ZFHX3: variants seen among roughly 807,000 people sequenced by gnomAD.
ZFHX3 encodes zinc finger homeobox protein 3.
Under a neutral mutation model 279.1 loss-of-function variants are expected in ZFHX3, and 42 were observed. The ratio of observed to expected loss-of-function variants is 0.15; its 90% CI spans 0.12 to 0.19. The LOEUF (loss-of-function observed/expected upper bound fraction) is 0.19. Ranked by LOEUF, ZFHX3 falls within the 10% of genes least tolerant of loss-of-function variation. The probability of loss-of-function intolerance (pLI) is 1.00; values close to 1 mark genes in which losing one functional copy is unlikely to be tolerated. For synonymous variants in ZFHX3, 2,293 were observed against 1,957.8 expected (o/e 1.17, Z -4.52); for missense variants, 4,981 against 4,754.0 (o/e 1.05, Z -1.40).
At chr16:73,830,972 C>CT (rs1217771627) in intron 1 of ZFHX3, among the ~76,000 whole-genome samples, 1 of 152,210 alleles carries the variant, frequency 6.6e-6, no homozygotes, top group Non-Finnish European at 1.5e-5. Flanking sequence ...ATTTAGGTAC[C>CT]TGGCAGACCA....
intron 3 of ZFHX3, among the ~76,000 whole-genome samples, chr16:73,363,528 G>T (rs904888871): frequency 1.3e-4 from 19 of 151,966 alleles, no homozygotes; most frequent in African/African-American, 3.9e-4. Flanking sequence ...GAGTGAAATA[G>T]ACTTCTCTTG....
Position 73,318,840 on chromosome 16 carries a change from A to T in ZFHX3, c.-1290-504T>A, listed in dbSNP as rs377683822. ...GAGTCAGGCCCCCTGAGCTAAACAA[A>T]AGGTAATAGAACTTTTCAGCGCCCC... is the stretch of plus-strand genomic sequence containing the variant. On this transcript the variant is annotated intron_variant, in intron 3 of 17. Transcript: ENST00000641206. 1.9e-4 allele frequency among the ~76,000 whole-genome samples: 29 copies of T among 152,292 alleles called. No individual in the cohort carries two copies. The South Asian group carries it at 6.0e-3, about 32-fold the overall frequency.
chr16:73,306,422 C>A (rs2015181464), intron 4 of ZFHX3, among the ~76,000 whole-genome samples: 1 of 152,176 alleles, frequency 6.6e-6, no homozygotes, highest in African/African-American at 2.4e-5. Context: ...CAGGTTCAAG[C>A]AATTCTCCTG....
chr16:72,894,866 C>T (rs1295716622), intron 3 of ZFHX3, among the ~76,000 whole-genome samples: 5 of 152,190 alleles, frequency 3.3e-5, no homozygotes, highest in African/African-American at 9.7e-5. Flanking sequence ...CAGAGTCACC[C>T]GCTGGGGAGG....
At chr16:73,237,229 C>T (rs995741770) in intron 5 of ZFHX3, among the ~76,000 whole-genome samples, 2 of 152,100 alleles carry the variant, frequency 1.3e-5, no homozygotes, top group Admixed American at 1.3e-4. Context: ...TCTTTAGAAC[C>T]CGTGACTTAA....
intron 3 of ZFHX3, among the ~76,000 whole-genome samples, chr16:73,336,217 T>A (rs1239910750): frequency 1.3e-5 from 2 of 152,196 alleles, no homozygotes; most frequent in Non-Finnish European, 2.9e-5. Flanking sequence ...GGGTGTTAAT[T>A]ATCTCATTGA....
At position 72,960,789 on chromosome 16, in the gene ZFHX3, C is replaced by T. The variant is rs1319918207; in HGVS notation, c.-49-595G>A. On this transcript the variant is annotated intron_variant, in intron 1 of 9. Coordinates refer to ENST00000268489, the MANE Select transcript of ZFHX3 (RefSeq NM_006885.4). ...TCTAGTTTGAGAAGTTCAAAGAAGG[C>T]GGGTGAGGACCCTGAGGTTCACAGG... Among the ~76,000 whole-genome samples, 5 of 152,084 alleles carry T rather than the reference C, an allele frequency of 3.3e-5. No individual in the cohort carries two copies. In the East Asian group the frequency reaches 5.8e-4, roughly 18 times the overall value.
At position 73,440,113 on chromosome 16, in the gene ZFHX3, G is replaced by GTATT. The variant is rs1301648638; in HGVS notation, c.-1291+15886_-1291+15889dup. On this transcript the variant is annotated intron_variant, in intron 3 of 17. Coordinates refer to the ZFHX3 transcript ENST00000641206. Reference sequence around the variant, plus strand: ...CACAATTTGGAGGAATAACCACAGAGTATTTACTGAACTGCCAAACTGCCT... The same window carrying GTATT: ...CACAATTTGGAGGAATAACCACAGAGTATTTATTTACTGAACTGCCAAACTGCCT... Among the ~76,000 whole-genome samples the GTATT allele has an allele frequency of 3.3e-5, 5 of 152,024 alleles. No homozygotes were observed. In the South Asian group the frequency reaches 1.0e-3, roughly 32 times the overall value.
intron 1 of ZFHX3, among the ~76,000 whole-genome samples, chr16:73,053,996 G>A (rs1214607725): frequency 6.7e-6 from 1 of 149,236 alleles, no homozygotes; most frequent in Non-Finnish European, 1.5e-5. Flanking sequence ...ACAAGAAAAC[G>A]CATGACAGTT....
intron 4 of ZFHX3, among the ~76,000 whole-genome samples, chr16:72,861,524 GC>G (rs1229744235): frequency 4.6e-5 from 7 of 152,104 alleles, no homozygotes; most frequent in Admixed American, 1.3e-4. Context: ...GTAATTTCAA[GC>G]TTTTACCAGA....
intron 4 of ZFHX3, among the ~76,000 whole-genome samples, chr16:72,862,473 C>T (rs1438396589): frequency 6.6e-6 from 1 of 152,152 alleles, no homozygotes; most frequent in African/African-American, 2.4e-5. Flanking sequence ...TAAGGAGTAG[C>T]CCAGCTAATA....
chr16:73,536,666 G>A (rs1053033322), intron 2 of ZFHX3, among the ~76,000 whole-genome samples: 1 of 152,054 alleles, frequency 6.6e-6, no homozygotes, highest in African/African-American at 2.4e-5. Flanking sequence ...ATGATACCCA[G>A]GACACACCCA....
chr16:72,799,364 C>T (rs955368902), intron 8 of ZFHX3, among the ~76,000 whole-genome samples: 3 of 152,026 alleles, frequency 2.0e-5, no homozygotes, highest in South Asian at 2.1e-4. Flanking sequence ...TCATAAATAC[C>T]GAGACCCTTT....
rs578234677 is a variant in ZFHX3, at chr16:72,886,220, T to C, written c.3448+3511A>G. On this transcript the variant is annotated intron_variant, in intron 4 of 9. Coordinates refer to ENST00000268489, the MANE Select transcript of ZFHX3 (RefSeq NM_006885.4). ...ACGTAATACTTTGTCCCTTTTGTCA[T>C]CAGTTATATGGACCGAACTGGAGCC... is the stretch of plus-strand genomic sequence containing the variant. 9.9e-5 allele frequency among the ~76,000 whole-genome samples: 15 copies of C among 152,282 alleles called. No homozygotes were observed. In the South Asian group the frequency reaches 3.1e-3, roughly 32 times the overall value.
At chr16:73,416,738 G>C (rs1459843872) in intron 3 of ZFHX3, among the ~76,000 whole-genome samples, 1 of 149,322 alleles carries the variant, frequency 6.7e-6, no homozygotes, top group Non-Finnish European at 1.5e-5. Context: ...GCCGGGTGCG[G>C]TGGCGGGCGC....
At chr16:73,026,022 C>A (rs1460761436) in intron 1 of ZFHX3, among the ~76,000 whole-genome samples, 2 of 151,896 alleles carry the variant, frequency 1.3e-5, no homozygotes, top group Admixed American at 1.3e-4. Context: ...AGGAACACAC[C>A]CATGTCTTGG....
At chr16:73,884,067 G>T (rs1017333410) in intron 1 of ZFHX3, among the ~76,000 whole-genome samples, 18 of 152,090 alleles carry the variant, frequency 1.2e-4, no homozygotes, top group African/African-American at 4.3e-4. Context: ...AACAGCTTTC[G>T]TTACACATTT....
intron 3 of ZFHX3, among the ~76,000 whole-genome samples, chr16:72,937,085 T>C (rs1960163154): frequency 6.6e-6 from 1 of 151,814 alleles, no homozygotes; most frequent in East Asian, 1.9e-4. Flanking sequence ...CCATAAGCAT[T>C]TGGGGGTTCT....
At chr16:73,313,844 A>T (rs569456187) in intron 4 of ZFHX3, among the ~76,000 whole-genome samples, 1 of 152,340 alleles carries the variant, frequency 6.6e-6, no homozygotes, top group Non-Finnish European at 1.5e-5. Flanking sequence ...ACGGTAGCTC[A>T]CACCTGTAAT....
Sources: allele counts gnomAD v4.1 joint callset (sites outside exome capture counted in the v4.1 genomes callset), GRCh38; gene constraint gnomAD v4.1.1; transcripts MANE v1.5; gene names NCBI Gene and HGNC (gene_info 2026-07-23, HGNC 2026-07-21).